The following ADAM33 variants were observed in gnomAD, a reference collection of about 807,000 sequenced individuals.
ADAM33 encodes ADAM metallopeptidase domain 33.
ADAM33 carries 103 observed loss-of-function variants against 106.2 expected under a neutral mutation model. The observed-to-expected ratio is 0.97, with a 90% CI of 0.83 to 1.14. The LOEUF is 1.14. ADAM33 is among the 50% of genes most tolerant of loss of function. The probability of loss-of-function intolerance (pLI) is 0.00; values close to 1 mark genes in which losing one functional copy is unlikely to be tolerated. For synonymous variants in ADAM33, 483 were observed against 453.0 expected (o/e 1.07, Z -0.84); for missense variants, 1,120 against 1,096.6 (o/e 1.02, Z -0.30).
At position 3,674,441 on chromosome 20, in the gene ADAM33, C is replaced by G. The variant is rs563929590; in HGVS notation, c.600+63G>C. 1,686 of 1,603,858 alleles carry G rather than the reference C, an allele frequency of 1.1e-3. 2 individuals carry two copies. Among genetic ancestry groups the G allele is most frequent in the Non-Finnish European group, 1.3e-3 (1,496 of 1,174,944 alleles). Reference sequence around the variant, plus strand: ...GGACTCGAGGCCTGTGAATTCCCGTCTCTTCTGATTTGGAGGGCTATAGAT... The same window carrying G: ...GGACTCGAGGCCTGTGAATTCCCGTGTCTTCTGATTTGGAGGGCTATAGAT... On this transcript the variant is annotated intron_variant, in intron 6 of 21. Coordinates refer to ENST00000356518, the MANE Select transcript of ADAM33 (RefSeq NM_025220.5).
intron 2 of ADAM33, among the ~76,000 whole-genome samples, chr20:3,678,011 A>G (rs1011029175): frequency 6.6e-6 from 1 of 152,218 alleles, no homozygotes; most frequent in African/African-American, 2.4e-5. Context: ...CAAGGGTCTC[A>G]GAGTCTTTGG....
chr20:3,679,136 C>CTTTTTTTTTTTT (rs778392877), intron 2 of ADAM33, among the ~76,000 whole-genome samples: 2 of 78,254 alleles, frequency 2.6e-5, no homozygotes, highest in African/African-American at 4.9e-5. Context: ...CTTTTTGGTG[C>CTTTTTTTTTTTT]TTTTTTTTTT....
intron 1 of ADAM33, among the ~76,000 whole-genome samples, chr20:3,680,399 G>A (rs1198297274): frequency 6.6e-6 from 1 of 152,132 alleles, no homozygotes; most frequent in Non-Finnish European, 1.5e-5. Flanking sequence ...CGCAGCCCTG[G>A]CCTCAGTCCT....
In ADAM33 at chr20:3,672,781, C is replaced by A; in HGVS notation, c.1251G>T (p.Pro417=). The change falls in exon 12 of 22, where the codon CCG becomes CCT. Residue 417 remains proline (P), a synonymous_variant. Transcript: ENST00000356518. ...NAPDPGLPVP[P]ALCGNGFVEA... ...CCACGAAGCCGTTCCCGCAGAGCGC[C>A]GGCGGCACCGGGAGTCCGGGGTCCG... 1 of 1,570,568 alleles carries A rather than the reference C, an allele frequency of 6.4e-7. No individual in the cohort carries two copies. The highest frequency in any genetic ancestry group is 1.4e-5 in the African/African-American group (1 of 73,854).
At position 3,681,971 on chromosome 20, in the gene ADAM33, G is replaced by A. The variant is rs747054268; in HGVS notation, c.34C>T (p.Pro12Ser). 1.3e-6 allele frequency: 2 copies of A among 1,549,404 alleles called. No homozygotes were observed. The highest frequency in any genetic ancestry group is 2.4e-5 in the South Asian group (2 of 84,088). ...GWRPRRARGTPLLLLLLLLLL... is the reference protein window; with the variant it reads ...GWRPRRARGTSLLLLLLLLLL... ...AGCAGTAGTAGCAGCAGCAGCAACGGGGTCCCCCGAGCTCTCCGGGGCCTC... is the reference window on the plus strand; with the variant it reads ...AGCAGTAGTAGCAGCAGCAGCAACGAGGTCCCCCGAGCTCTCCGGGGCCTC... Residue 12 changes from proline to serine, a missense_variant, in exon 1 of 22, where the codon CCG becomes TCG. By Grantham distance (74) the Pro-to-Ser change is moderately conservative. Transcript: ENST00000356518.
At chr20:3,676,672 C>T (rs2087990101) in intron 3 of ADAM33, among the ~76,000 whole-genome samples, 1 of 152,158 alleles carries the variant, frequency 6.6e-6, no homozygotes, top group Non-Finnish European at 1.5e-5. Context: ...CTCCTGACCT[C>T]AGGTGAGCCG....
Position 3,672,819 on chromosome 20 carries a change from G to C in ADAM33, c.1213C>G (p.Leu405Val). The C allele has an allele frequency of 6.3e-7, 1 of 1,575,292 alleles. No individual in the cohort carries two copies. Among genetic ancestry groups the C allele is most frequent in the South Asian group, 1.1e-5 (1 of 88,118 alleles). ...AGTCCGGGGTCCGGGGCATTGGAGA[G>C]GCAAGCGCCGCCCCCCTTGCGGAAG... ...AFFRKGGGAC[L>V]SNAPDPGLPV... Residue 405 changes from leucine to valine, a missense_variant, in exon 12 of 22, where the codon CTC becomes GTC. Transcript: ENST00000356518.
intron 2 of ADAM33, 43 bp from the exon 3 acceptor site, chr20:3,677,186 C>A (rs371462164): frequency 3.3e-6 from 5 of 1,526,910 alleles, no homozygotes; most frequent in African/African-American, 2.8e-5. Context: ...GGCCTCCAGG[C>A]CTCCTGCCTG....
rs1488768782 is a variant in ADAM33, at chr20:3,672,898, C to T, written c.1134G>A (p.Gly378=). 1 of 1,563,532 alleles carries T rather than the reference C, an allele frequency of 6.4e-7. No homozygotes were observed. Among genetic ancestry groups the T allele is most frequent in the Non-Finnish European group, 8.6e-7 (1 of 1,164,770 alleles). ...SGGCVMAAAT[G]HPFPRVFSAC... ...CGCTGAACACGCGCGGAAACGGGTG[C>T]CTACCGGCACGGGGAGGGCATTGGG... The change falls in exon 12 of 22, where the codon GGG becomes GGA. Residue 378 remains glycine, a splice_region_variant and synonymous_variant. Transcript: ENST00000356518.
intron 1 of ADAM33, among the ~76,000 whole-genome samples, chr20:3,679,848 G>C (rs762634599): frequency 1.3e-5 from 2 of 151,984 alleles, no homozygotes; most frequent in Non-Finnish European, 2.9e-5. Flanking sequence ...TCGGGGGGCA[G>C]GCTTGGGCTC....
Position 3,668,872 on chromosome 20 carries a change from G to A in ADAM33, c.*91C>T. On this transcript the variant is annotated 3_prime_UTR_variant, in exon 22 of 22. Transcript: ENST00000356518. Reference sequence around the variant, plus strand: ...TGCCTGCAGGTGCTGGAGGTCCGGTGATTCACTGGCTCTGCCCCTGCAGTT... The same window carrying A: ...TGCCTGCAGGTGCTGGAGGTCCGGTAATTCACTGGCTCTGCCCCTGCAGTT... 6.8e-7 allele frequency: 1 copy of A among 1,472,134 alleles called. No individual in the cohort carries two copies. Among genetic ancestry groups the A allele is most frequent in the South Asian group, 1.1e-5 (1 of 87,652 alleles). 91.2% of individuals were successfully genotyped at this position (1,472,134 alleles called of 1,614,324 possible).
In ADAM33 at chr20:3,672,388, A is replaced by G. The variant is rs866094556; in HGVS notation, c.1402-59T>C. 483 of 1,589,206 alleles carry G rather than the reference A, an allele frequency of 3.0e-4. 3 individuals are homozygous for G. The highest frequency in any genetic ancestry group is 1.6e-3 in the Middle Eastern group (9 of 5,806). On this transcript the variant is annotated intron_variant, in intron 13 of 21. Coordinates refer to ENST00000356518, the MANE Select transcript of ADAM33 (RefSeq NM_025220.5). ...AGAGGCCACGTGCAGTGAGAGGTCC[A>G]TGCCGAGAGCGCGGCTCGGAGCTGG...
intron 2 of ADAM33, among the ~76,000 whole-genome samples, chr20:3,678,633 T>C (rs566182947): frequency 6.6e-6 from 1 of 152,282 alleles, no homozygotes; most frequent in South Asian, 2.1e-4. Context: ...TTGCTGGATT[T>C]GGACAGTAGG....
Position 3,674,298 on chromosome 20 carries a change from A to G in ADAM33, c.601-14T>C, listed in dbSNP as rs545763772. On this transcript the variant is annotated splice_polypyrimidine_tract_variant and intron_variant, in intron 6 of 21. Coordinates refer to ENST00000356518, the MANE Select transcript of ADAM33 (RefSeq NM_025220.5). ...TTCTCGCCTGCCCTGCGGAGGTGCA[A>G]ATGGGGACCCTGAGTGGAAGCTGCT... 51 of 1,613,680 alleles carry G rather than the reference A, an allele frequency of 3.2e-5. 1 individual carries two copies. The South Asian group carries it at 5.6e-4, about 18-fold the overall frequency.
intron 1 of ADAM33, 106 bp from the exon 2 acceptor site, chr20:3,679,677 GC>G (rs1207124038): frequency 5.2e-6 from 5 of 967,680 alleles, no homozygotes; most frequent in African/African-American, 4.9e-5. Flanking sequence ...GGCACTGGAG[GC>G]CTTTTGGGGC....
In ADAM33 at chr20:3,671,841, T is replaced by C. The variant is rs749651221; in HGVS notation, c.1706+36A>G. The C allele has an allele frequency of 1.4e-5, 22 of 1,551,188 alleles. No individual in the cohort carries two copies. In the Admixed American group the frequency reaches 4.1e-4, roughly 29 times the overall value. On this transcript the variant is annotated intron_variant, in intron 15 of 21. Transcript: ENST00000356518. ...ACCCCCCTTCCCCAAACCCACTCCA[T>C]AGCTTCTGCTCCCTCCACTCAGCTC...
Position 3,677,224 on chromosome 20 carries a change from G to T in ADAM33, c.178-81C>A. The stretch of plus-strand genomic sequence containing the variant: ...AGGGAGTAGGTGGCCTGTGGAGCCG[G>T]CTGGGGAGGAAGTTCTTGGGGAGAA... On this transcript the variant is annotated intron_variant, in intron 2 of 21. Transcript: ENST00000356518. 2 of 1,275,108 alleles carry T rather than the reference G, an allele frequency of 1.6e-6. 1 individual carries two copies. The highest frequency in any genetic ancestry group is 2.1e-6 in the Non-Finnish European group (2 of 952,956). The allele number at this position is 1,275,108 out of a possible 1,614,324, so 79.0% of individuals were successfully genotyped here.
At chr20:3,677,935 T>C (rs989502123) in intron 2 of ADAM33, among the ~76,000 whole-genome samples, 1 of 152,234 alleles carries the variant, frequency 6.6e-6, no homozygotes, top group Admixed American at 6.5e-5. Flanking sequence ...GGGAGGCTGC[T>C]GCGCCTTCGG....
At chr20:3,678,730 A>C (rs1279182384) in intron 2 of ADAM33, among the ~76,000 whole-genome samples, 1 of 152,228 alleles carries the variant, frequency 6.6e-6, no homozygotes, top group African/African-American at 2.4e-5. Context: ...AGTGGGTCTC[A>C]GGCTCCCAGC....
Sources: gnomAD v4.1 joint callset for allele counts (sites outside exome capture counted in the v4.1 genomes callset) on GRCh38, gnomAD v4.1.1 for gene constraint, MANE v1.5 for transcripts, NCBI Gene and HGNC (gene_info 2026-07-23, HGNC 2026-07-21) for gene names.